PARM1: variants seen among roughly 807,000 people sequenced by gnomAD.
PARM1 encodes prostate androgen-regulated mucin-like protein 1.
In PARM1, 14 loss-of-function variants were observed where a neutral mutation model predicts 24.6. The observed-to-expected ratio is 0.57, with a 90% CI of 0.38 to 0.89. The LOEUF (loss-of-function observed/expected upper bound fraction) is 0.89. Among genes scored for constraint, PARM1 ranks in the 40% least tolerant of loss-of-function variants. The pLI is 0.00. For missense variants in PARM1, 362 were observed against 380.4 expected, an observed-to-expected ratio of 0.95 and a Z score of 0.40; for synonymous variants, 179 against 156.6, an observed-to-expected ratio of 1.14 and a Z score of -1.07.
rs17000141 is a variant in PARM1, at chr4:75,047,924, A to G, written c.*1677A>G. The G allele has an allele frequency of 0.14, 20,833 of 152,170 alleles. 2,056 individuals are homozygous for G. The highest frequency in any genetic ancestry group is 0.28 in the African/African-American group (11,467 of 41,472). The allele number at this position is 152,170 out of a possible 1,614,324, so 9.4% of individuals were successfully genotyped here. A position where few individuals can be genotyped will look rare whatever the true frequency, so the allele number is the denominator to read the frequency against. On this transcript the variant is annotated 3_prime_UTR_variant, in exon 4 of 4. Coordinates refer to ENST00000307428, the MANE Select transcript of PARM1 (RefSeq NM_015393.4). Reference sequence around the variant, plus strand: ...CAACTCTGTCTTCTTGTAACAGCTGATATTAGCAAGCAGCATCTTATGTCC... The same window carrying G: ...CAACTCTGTCTTCTTGTAACAGCTGGTATTAGCAAGCAGCATCTTATGTCC...
chr4:75,009,824 G>A (rs1397186221), intron 1 of PARM1, among the ~76,000 whole-genome samples: 1 of 152,156 alleles, frequency 6.6e-6, no homozygotes, highest in African/African-American at 2.4e-5. Context: ...CCAGGTCACT[G>A]TGCCCTCATT....
Position 74,974,838 on chromosome 4 carries a change from A to G in PARM1, c.44-37587A>G, listed in dbSNP as rs73826594. The stretch of plus-strand genomic sequence containing the variant: ...GAGTAGTGCCCTTCTAAGAAGAAAC[A>G]CCAGAGAGCCTGCTCTCTGTCTCTC... On this transcript the variant is annotated intron_variant, in intron 1 of 3. Transcript: ENST00000307428. 8.2e-3 allele frequency among the ~76,000 whole-genome samples: 1,244 copies of G among 152,274 alleles called. 17 individuals are homozygous for G. Among genetic ancestry groups the G allele is most frequent in the African/African-American group, 0.029 (1,205 of 41,554 alleles).
At chr4:74,946,359 T>A (rs1300924646) in intron 1 of PARM1, among the ~76,000 whole-genome samples, 1 of 152,190 alleles carries the variant, frequency 6.6e-6, no homozygotes, top group Non-Finnish European at 1.5e-5. Context: ...CCCCACAGCC[T>A]TGGTTGAGAG....
In PARM1 at chr4:74,962,529, A is replaced by G. The variant is rs1039241727; in HGVS notation, c.43+29159A>G. Among the ~76,000 whole-genome samples, 2 of 152,218 alleles carry G rather than the reference A, an allele frequency of 1.3e-5. 1 individual carries two copies. The highest frequency in any genetic ancestry group is 4.1e-4 in the South Asian group (2 of 4,830). On this transcript the variant is annotated intron_variant, in intron 1 of 3. Transcript: ENST00000307428. The stretch of plus-strand genomic sequence containing the variant: ...GAATGAGATAATGGATTTTATAACA[A>G]TGTGATCCACCTATATACTATCTAC...
chr4:74,985,018 C>T (rs957972464), intron 1 of PARM1, among the ~76,000 whole-genome samples: 2 of 152,188 alleles, frequency 1.3e-5, no homozygotes, highest in Non-Finnish European at 2.9e-5. Context: ...TGGCTTTCCA[C>T]AGCCCCATAG....
At chr4:74,942,064 AG>A (rs1721320315) in intron 1 of PARM1, among the ~76,000 whole-genome samples, 2 of 152,224 alleles carry the variant, frequency 1.3e-5, no homozygotes. Flanking sequence ...CAATATACCT[AG>A]AGTGCCATGG....
At chr4:75,021,933 T>A (rs1257660556) in intron 2 of PARM1, among the ~76,000 whole-genome samples, 1 of 152,246 alleles carries the variant, frequency 6.6e-6, no homozygotes, top group Non-Finnish European at 1.5e-5. Flanking sequence ...TGTGCAAGTG[T>A]CTTCATGGTG....
At chr4:74,959,263 C>T (rs1721712514) in intron 1 of PARM1, among the ~76,000 whole-genome samples, 1 of 152,200 alleles carries the variant, frequency 6.6e-6, no homozygotes, top group African/African-American at 2.4e-5. Flanking sequence ...TCCTCCCCCC[C>T]ATCACTATTT....
chr4:74,940,540 T>C (rs1433369781), intron 1 of PARM1, among the ~76,000 whole-genome samples: 1 of 152,208 alleles, frequency 6.6e-6, no homozygotes, highest in Non-Finnish European at 1.5e-5. Flanking sequence ...GACACTATCC[T>C]CATGATCTAA....
chr4:75,004,320 G>T (rs1722733538), intron 1 of PARM1, among the ~76,000 whole-genome samples: 1 of 152,208 alleles, frequency 6.6e-6, no homozygotes, highest in African/African-American at 2.4e-5. Flanking sequence ...AGCCTGAAGG[G>T]GTACAAGCCT....
chr4:75,042,361 GT>G (rs1182228368), intron 3 of PARM1, among the ~76,000 whole-genome samples: 1 of 152,172 alleles, frequency 6.6e-6, no homozygotes, highest in Non-Finnish European at 1.5e-5. Context: ...AAGACTTTTA[GT>G]AAATAAAATT....
Position 75,033,940 on chromosome 4 carries a change from T to G in PARM1, c.827T>G (p.Val276Gly), listed in dbSNP as rs1435099336. ...GCCGTGGTGCTGCTGGTGTTTGGAG[T>G]TGCAGCCTACCTAAAAATCAGGTGA... ...VIAVVLLVFG[V>G]AAYLKIRHSS... is the part of the protein sequence containing the mutation. The change falls in exon 3 of 4, where the codon GTT becomes GGT. Residue 276 changes from valine (V) to glycine (G), a missense_variant. Transcript: ENST00000307428. 3 of 1,602,654 alleles carry G rather than the reference T, an allele frequency of 1.9e-6. No homozygotes were observed. The South Asian group carries it at 3.4e-5, about 18-fold the overall frequency.
At chr4:75,019,553 A>G (rs1369398530) in intron 2 of PARM1, among the ~76,000 whole-genome samples, 1 of 152,344 alleles carries the variant, frequency 6.6e-6, no homozygotes, top group South Asian at 2.1e-4. Flanking sequence ...GCCAATAAAT[A>G]CATTTAAATA....
At chr4:74,933,902 A>T (rs1721121728) in intron 1 of PARM1, among the ~76,000 whole-genome samples, 3 of 152,166 alleles carry the variant, frequency 2.0e-5, no homozygotes, top group African/African-American at 7.2e-5. Context: ...AGTTATGCTT[A>T]GGATGATGTG....
intron 1 of PARM1, among the ~76,000 whole-genome samples, chr4:74,984,907 C>G (rs888464990): frequency 1.3e-5 from 2 of 152,118 alleles, no homozygotes; most frequent in Admixed American, 1.3e-4. Flanking sequence ...ACCTTCTGGC[C>G]CTTTAGAGAA....
At chr4:74,933,959 T>G (rs1040871693) in intron 1 of PARM1, among the ~76,000 whole-genome samples, 1 of 152,282 alleles carries the variant, frequency 6.6e-6, no homozygotes, top group South Asian at 2.1e-4. Context: ...CAATCGTCAC[T>G]GGGGGTAGCA....
chr4:75,018,885 C>A (rs1723037169), intron 2 of PARM1, among the ~76,000 whole-genome samples: 1 of 152,188 alleles, frequency 6.6e-6, no homozygotes, highest in Non-Finnish European at 1.5e-5. Context: ...GCCAAGTGTT[C>A]CTTTCACAAT....
At chr4:74,943,631 A>T (rs1327369334) in intron 1 of PARM1, among the ~76,000 whole-genome samples, 1 of 152,234 alleles carries the variant, frequency 6.6e-6, no homozygotes, top group Non-Finnish European at 1.5e-5. Context: ...TTGGTGCCAT[A>T]GACATCATTT....
chr4:75,019,398 T>C (rs1262154471), intron 2 of PARM1, among the ~76,000 whole-genome samples: 6 of 152,240 alleles, frequency 3.9e-5, no homozygotes, highest in Admixed American at 3.9e-4. Flanking sequence ...CTCTCTTTTG[T>C]CTGTAAAATC....
Sources: allele counts gnomAD v4.1 joint callset (sites outside exome capture counted in the v4.1 genomes callset), GRCh38; gene constraint gnomAD v4.1.1; transcripts MANE v1.5; gene names NCBI Gene and HGNC (gene_info 2026-07-23, HGNC 2026-07-21).